The following CISD3 variants were observed in gnomAD, a reference collection of about 807,000 sequenced individuals.
The protein encoded by CISD3 is CDGSH iron-sulfur domain-containing protein 3, mitochondrial.
A neutral mutation model predicts 14.1 loss-of-function variants in CISD3; 11 were observed. The ratio of observed to expected loss-of-function variants is 0.78; its 90% CI spans 0.49 to 1.29. CISD3 has a LOEUF of 1.29. Ranked by LOEUF, CISD3 falls within the 50% of genes most tolerant of loss-of-function variation. The pLI is 0.00. For missense variants in CISD3, 156 were observed against 171.6 expected (o/e 0.91, Z 0.51); for synonymous variants, 53 against 69.2 (o/e 0.77, Z 1.16).
Position 38,735,502 on chromosome 17 carries a change from C to G in CISD3, c.*2047C>G, listed in dbSNP as rs1278162521. On this transcript the variant is annotated 3_prime_UTR_variant, in exon 4 of 4. Transcript: ENST00000613478. The stretch of plus-strand genomic sequence containing the variant: ...CGCTGACTGACTCACACTCGGACGC[C>G]CCGCTGGTGTTGGTGCCCTCGGAGG... 1 of 1,593,026 alleles carries G rather than the reference C, an allele frequency of 6.3e-7. No homozygotes were observed.
rs8080547 is a variant in CISD3, at chr17:38,730,798, G to A, written c.84+3G>A. ...GGCGGGACATCTCCTCCTGGCTGGT[G>A]AGTCCCCCCATCCTCCCCTCCTCCT... On this transcript the variant is annotated splice_donor_region_variant and intron_variant, in intron 2 of 3. Transcript: ENST00000613478. The A allele has an allele frequency of 6.4e-6, 10 of 1,551,432 alleles. No homozygotes were observed. The highest frequency in any genetic ancestry group is 8.7e-6 in the Non-Finnish European group (10 of 1,146,886).
chr17:38,733,163 C>G, intron 3 of CISD3, 113 bp from the exon 4 acceptor site: 1 of 973,156 alleles, frequency 1.0e-6, no homozygotes, highest in Non-Finnish European at 1.5e-6. Flanking sequence ...CAGTCTTGCT[C>G]TGGAGCCTGT....
rs941688903 is a variant in CISD3, at chr17:38,730,579, T to A, written c.48+173T>A. The A allele has an allele frequency of 3.6e-6, 3 of 830,150 alleles. No homozygotes were observed. In the African/African-American group the frequency reaches 5.1e-5, roughly 14 times the overall value. 51.4% of individuals were successfully genotyped at this position (830,150 alleles called of 1,614,324 possible). A position where few individuals can be genotyped will look rare whatever the true frequency, so the allele number is the denominator to read the frequency against. ...CCGAGCGCCAGTCCCTGCCAGGACC[T>A]CCGCAGCCAGCACCTTCTCTTGCGA... On this transcript the variant is annotated intron_variant, in intron 1 of 3. Coordinates refer to ENST00000613478, the MANE Select transcript of CISD3 (RefSeq NM_001136498.2).
intron 1 of CISD3, 99 bp from the exon 2 acceptor site, chr17:38,730,661 T>A: frequency 7.9e-7 from 1 of 1,263,704 alleles, no homozygotes; most frequent in Non-Finnish European, 1.1e-6. Flanking sequence ...ACCTCCTCCT[T>A]CCTAGATGGC....
At chr17:38,730,663 C>A in intron 1 of CISD3, 97 bp from the exon 2 acceptor site, 1 of 1,277,520 alleles carries the variant, frequency 7.8e-7, no homozygotes, top group Non-Finnish European at 1.1e-6. Context: ...CTCCTCCTTC[C>A]TAGATGGCCT....
chr17:38,732,780 G>A (rs949505973), intron 3 of CISD3, among the ~76,000 whole-genome samples: 7 of 152,084 alleles, frequency 4.6e-5, no homozygotes, highest in African/African-American at 1.7e-4. Context: ...TTGCTATGGG[G>A]CATCCCCTCC....
chr17:38,732,967 ACT>A (rs1491053320), intron 3 of CISD3, among the ~76,000 whole-genome samples: 5,237 of 51,318 alleles, frequency 0.1, 265 homozygotes, highest in African/African-American at 0.17. Context: ...ACACACACAC[ACT>A]CACACTCTAT....
intron 2 of CISD3, 84 bp downstream of exon 2, chr17:38,730,879 G>A (rs1252418656): frequency 1.4e-6 from 2 of 1,401,790 alleles, no homozygotes; most frequent in African/African-American, 1.4e-5. Context: ...AATGGAGCTA[G>A]GAAGAGTACA....
In CISD3 at chr17:38,731,425, C is replaced by A; in HGVS notation, c.190C>A (p.Arg64Ser). ...AACCTACAGGTGGTGTGTGTGTGGC[C>A]GCAGCAAGAAGCAGGTGAGACCCCT... ...GKTYRWCVCGRSKKQPFCDGS... is the reference protein window; with the variant it reads ...GKTYRWCVCGSSKKQPFCDGS... The change falls in exon 3 of 4, where the codon CGC becomes AGC. Residue 64 changes from arginine to serine, a missense_variant. Arg to Ser is a moderately radical substitution (Grantham distance 110, BLOSUM62 -1). Transcript: ENST00000613478. 1 of 1,551,536 alleles carries A rather than the reference C, an allele frequency of 6.4e-7. No homozygotes were observed. Among genetic ancestry groups the A allele is most frequent in the Non-Finnish European group, 8.7e-7 (1 of 1,146,924 alleles).
intron 3 of CISD3, among the ~76,000 whole-genome samples, chr17:38,732,727 G>A (rs1320989391): frequency 2.6e-5 from 4 of 152,050 alleles, no homozygotes; most frequent in Non-Finnish European, 5.9e-5. Flanking sequence ...CTGCTTGAGC[G>A]GCTTCTGGGA....
intron 3 of CISD3, among the ~76,000 whole-genome samples, chr17:38,732,920 A>G (rs537226466): frequency 4.6e-4 from 66 of 144,070 alleles, no homozygotes; most frequent in African/African-American, 1.7e-3. Flanking sequence ...GAATTTCATG[A>G]TCCAGTGGAG....
At chr17:38,731,615 C>T (rs1051568317) in intron 3 of CISD3, among the ~76,000 whole-genome samples, 176 bp downstream of exon 3, 1 of 152,208 alleles carries the variant, frequency 6.6e-6, no homozygotes, top group African/African-American at 2.4e-5. Flanking sequence ...GCATCTACCC[C>T]TTGCAATGAA....
Position 38,731,426 on chromosome 17 carries a change from G to A in CISD3, c.191G>A (p.Arg64His), listed in dbSNP as rs375015767. ...ACCTACAGGTGGTGTGTGTGTGGCC[G>A]CAGCAAGAAGCAGGTGAGACCCCTG... Reference protein sequence around the residue: ...GKTYRWCVCGRSKKQPFCDGS... With the variant: ...GKTYRWCVCGHSKKQPFCDGS... Residue 64 changes from arginine (R) to histidine (H), a missense_variant, in exon 3 of 4, where the codon CGC (arginine) becomes CAC (histidine). Transcript: ENST00000613478. 8.4e-6 allele frequency: 13 copies of A among 1,551,470 alleles called. No individual in the cohort carries two copies. The highest frequency in any genetic ancestry group is 7.1e-5 in the South Asian group (6 of 84,060).
At position 38,731,374 on chromosome 17, in the gene CISD3, A is replaced by G. The variant is rs1017154829; in HGVS notation, c.139A>G (p.Ile47Val). Reference sequence around the variant, plus strand: ...GTCCGTGGTGGCCCTGAAGACCCCCATCAAGGTGGAGCTGGTGGCAGGGAA... The same window carrying G: ...GTCCGTGGTGGCCCTGAAGACCCCCGTCAAGGTGGAGCTGGTGGCAGGGAA... The part of the protein sequence containing the change: ...ARSVVALKTP[I>V]KVELVAGKTY... The change falls in exon 3 of 4, where the codon ATC becomes GTC. Residue 47 changes from isoleucine (I) to valine (V), a missense_variant. Physicochemically the swap from Ile to Val is conservative, Grantham distance 29. Transcript: ENST00000613478. 4 of 1,551,508 alleles carry G rather than the reference A, an allele frequency of 2.6e-6. No homozygotes were observed. Among genetic ancestry groups the G allele is most frequent in the African/African-American group, 1.4e-5 (1 of 73,020 alleles).
At position 38,734,359 on chromosome 17, in the gene CISD3, A is replaced by C. The variant is rs2143741503; in HGVS notation, c.*904A>C. On this transcript the variant is annotated 3_prime_UTR_variant, in exon 4 of 4. Coordinates refer to ENST00000613478, the MANE Select transcript of CISD3 (RefSeq NM_001136498.2). ...CCACTTCCACTCTAGGCCCCAGGTG[A>C]GACTCCACCACCAGTCCTGCTAGTG... The C allele has an allele frequency of 6.6e-6, 1 of 152,614 alleles. No individual in the cohort carries two copies. Among genetic ancestry groups the C allele is most frequent in the East Asian group, 1.9e-4 (1 of 5,170 alleles). The allele number at this position is 152,614 out of a possible 1,614,324, so 9.5% of individuals were successfully genotyped here.
chr17:38,732,750 T>C (rs1450810086), intron 3 of CISD3, among the ~76,000 whole-genome samples: 1 of 152,110 alleles, frequency 6.6e-6, no homozygotes, highest in Non-Finnish European at 1.5e-5. Context: ...GGGAGTACAC[T>C]TCTGTGCCAG....
intron 3 of CISD3, among the ~76,000 whole-genome samples, chr17:38,733,068 T>C (rs917945076): frequency 2.0e-4 from 31 of 151,954 alleles, no homozygotes; most frequent in African/African-American, 7.3e-4. Flanking sequence ...GCAAAGTGCA[T>C]CACGATCATA....
chr17:38,735,265 G>C lies in CISD3; in HGVS notation c.*1810G>C. 2.0e-6 allele frequency: 3 copies of C among 1,467,102 alleles called. No homozygotes were observed. The highest frequency in any genetic ancestry group is 2.7e-6 in the Non-Finnish European group (3 of 1,098,824). The allele number at this position is 1,467,102 out of a possible 1,614,324, so 90.9% of individuals were successfully genotyped here. ...CGGGAGCGCCGTTGACAGTCATCTT[G>C]CGCCCCCTGCTGGTGGAGGATGGTG... On this transcript the variant is annotated 3_prime_UTR_variant, in exon 4 of 4. Coordinates refer to ENST00000613478, the MANE Select transcript of CISD3 (RefSeq NM_001136498.2).
At position 38,735,478 on chromosome 17, in the gene CISD3, GCTGA is replaced by G; in HGVS notation, c.*2030_*2033del. ...GGGTGGCAGGGCTGGGAGCCTTGTC[GCTGA>G]CTGACTCACACTCGGACGCCCCGCT... On this transcript the variant is annotated 3_prime_UTR_variant, in exon 4 of 4. Coordinates refer to ENST00000613478, the MANE Select transcript of CISD3 (RefSeq NM_001136498.2). 1 of 1,592,020 alleles carries G rather than the reference GCTGA, an allele frequency of 6.3e-7. No individual in the cohort carries two copies. The highest frequency in any genetic ancestry group is 8.5e-7 in the Non-Finnish European group (1 of 1,169,612).
Sources: allele counts gnomAD v4.1 joint callset (sites outside exome capture counted in the v4.1 genomes callset), GRCh38; gene constraint gnomAD v4.1.1; transcripts MANE v1.5; gene names NCBI Gene and HGNC (gene_info 2026-07-23, HGNC 2026-07-21).